Variants in SLC1A2 observed in about 807,000 individuals in gnomAD.
The protein encoded by SLC1A2 is excitatory amino acid transporter 2.
SLC1A2 carries 15 observed loss-of-function variants against 48.8 expected under a neutral mutation model. The observed-to-expected ratio is 0.31, with a 90% CI of 0.21 to 0.47. The LOEUF is 0.47. Ranked by LOEUF, SLC1A2 falls within the 20% of genes least tolerant of loss-of-function variation. SLC1A2 has a pLI of 0.99. For missense variants in SLC1A2, 502 were observed against 730.5 expected, an observed-to-expected ratio of 0.69 and a Z score of 3.61; for synonymous variants, 279 against 272.6, an observed-to-expected ratio of 1.02 and a Z score of -0.23.
At position 35,412,559 on chromosome 11, in the gene SLC1A2, G is replaced by A. The variant is rs556991250; in HGVS notation, c.17+6391C>T. 3.4e-4 allele frequency among the ~76,000 whole-genome samples: 52 copies of A among 152,204 alleles called. No individual in the cohort carries two copies. In the South Asian group the frequency reaches 9.3e-3, roughly 27 times the overall value. ...CCCACTCTTTAAAACACAGAAATAC[G>A]CCTCTGAAAGATTTCTTCCTCAATT... On this transcript the variant is annotated intron_variant, in intron 1 of 10. Coordinates refer to ENST00000278379, the MANE Select transcript of SLC1A2 (RefSeq NM_004171.4).
At chr11:35,408,425 G>A (rs58480679) in intron 1 of SLC1A2, among the ~76,000 whole-genome samples, 22,232 of 152,100 alleles carry the variant, frequency 0.15, 1,716 homozygotes, top group African/African-American at 0.19. Context: ...TGGTATTCTC[G>A]TGGTAGTGAA....
intron 1 of SLC1A2, among the ~76,000 whole-genome samples, chr11:35,327,258 T>G (rs550922071): frequency 3.2e-4 from 48 of 151,312 alleles, no homozygotes; most frequent in Non-Finnish European, 5.1e-4. Context: ...TGAGCTAAAG[T>G]TGAAAAATAG....
chr11:35,261,461 C>T (rs970761882), intron 10 of SLC1A2, among the ~76,000 whole-genome samples: 3 of 152,028 alleles, frequency 2.0e-5, no homozygotes, highest in Non-Finnish European at 4.4e-5. Flanking sequence ...TAAGCTATCC[C>T]AGCTTTAAAG....
At chr11:35,317,220 G>A (rs1184133882) in intron 2 of SLC1A2, 157 bp downstream of exon 2, 5 of 676,534 alleles carry the variant, frequency 7.4e-6, no homozygotes, top group Non-Finnish European at 1.2e-5. Flanking sequence ...AGGTAAGGAG[G>A]AAAATTATAT....
intron 1 of SLC1A2, among the ~76,000 whole-genome samples, chr11:35,384,552 CT>C (rs1854527812): frequency 6.6e-6 from 1 of 152,202 alleles, no homozygotes; most frequent in African/African-American, 2.4e-5. Context: ...CTTAATGAAT[CT>C]CAAACAGTTG....
rs16927206 is a variant in SLC1A2, at chr11:35,260,853, C to A, written c.*41G>T. On this transcript the variant is annotated 3_prime_UTR_variant, in exon 11 of 11. Coordinates refer to ENST00000278379, the MANE Select transcript of SLC1A2 (RefSeq NM_004171.4). ...TTATATCATCAGTTACCATAGGATA[C>A]GCTGGGGAGTTTATTCAAGAATTTG... The A allele has an allele frequency of 8.9e-6, 12 of 1,343,194 alleles. No homozygotes were observed. Among genetic ancestry groups the A allele is most frequent in the Non-Finnish European group, 1.3e-5 (12 of 932,924 alleles). The allele number at this position is 1,343,194 out of a possible 1,614,324, so 83.2% of individuals were successfully genotyped here. A position where few individuals can be genotyped will look rare whatever the true frequency, so the allele number is the denominator to read the frequency against.
chr11:35,372,170 G>A (rs1180733171), intron 1 of SLC1A2, among the ~76,000 whole-genome samples: 1 of 152,190 alleles, frequency 6.6e-6, no homozygotes, highest in Non-Finnish European at 1.5e-5. Flanking sequence ...AAGTATGCCT[G>A]GTAAAGAGAA....
intron 8 of SLC1A2, chr11:35,285,775 A>G (rs1850800089): frequency 6.6e-6 from 1 of 152,198 alleles, no homozygotes; most frequent in South Asian, 2.1e-4. Context: ...TTTCAAGGCA[A>G]ACAAAGCAAC....
At chr11:35,278,937 T>G (rs1389314689) in intron 9 of SLC1A2, among the ~76,000 whole-genome samples, 2 of 152,134 alleles carry the variant, frequency 1.3e-5, no homozygotes, top group Non-Finnish European at 2.9e-5. Flanking sequence ...GAGAAATGCT[T>G]GAACCCAGGA....
chr11:35,314,018 T>C (rs984045518), intron 3 of SLC1A2, among the ~76,000 whole-genome samples: 1 of 152,124 alleles, frequency 6.6e-6, no homozygotes, highest in Non-Finnish European at 1.5e-5. Flanking sequence ...TAACTCAGAG[T>C]TTAGTCTCCA....
chr11:35,297,321 C>A (rs553419132), intron 6 of SLC1A2, among the ~76,000 whole-genome samples: 53 of 152,160 alleles, frequency 3.5e-4, no homozygotes, highest in African/African-American at 1.2e-3. Flanking sequence ...TCCTTACCCC[C>A]GAGCATCCAC....
At chr11:35,384,601 T>A (rs1240138387) in intron 1 of SLC1A2, among the ~76,000 whole-genome samples, 1 of 152,238 alleles carries the variant, frequency 6.6e-6, no homozygotes, top group East Asian at 1.9e-4. Flanking sequence ...TATTGATTCA[T>A]CATTGAAGAT....
chr11:35,341,634 C>T (rs993406701), intron 1 of SLC1A2, among the ~76,000 whole-genome samples: 2 of 152,182 alleles, frequency 1.3e-5, no homozygotes, highest in African/African-American at 2.4e-5. Flanking sequence ...AAGTTGACAA[C>T]ATCTGTGATT....
At chr11:35,315,209 T>C (rs748455722) in intron 2 of SLC1A2, 34 bp from the exon 3 acceptor site, 3 of 1,596,756 alleles carry the variant, frequency 1.9e-6, no homozygotes, top group East Asian at 2.2e-5. Flanking sequence ...TGAATTTATT[T>C]TTTGCCTTCG....
At chr11:35,323,981 C>A (rs1394483449) in intron 1 of SLC1A2, among the ~76,000 whole-genome samples, 2 of 152,160 alleles carry the variant, frequency 1.3e-5, no homozygotes, top group African/African-American at 2.4e-5. Flanking sequence ...GGCATTGGGA[C>A]CAGCAAAGTG....
At chr11:35,324,311 T>A (rs1365508952) in intron 1 of SLC1A2, among the ~76,000 whole-genome samples, 1 of 152,248 alleles carries the variant, frequency 6.6e-6, no homozygotes. Flanking sequence ...GATGAGTAAC[T>A]GTCAGAAGAC....
chr11:35,414,810 G>A (rs1475562877), intron 1 of SLC1A2, among the ~76,000 whole-genome samples: 1 of 152,220 alleles, frequency 6.6e-6, no homozygotes, highest in Non-Finnish European at 1.5e-5. Flanking sequence ...AATACTATCA[G>A]TGTTTTAGTA....
chr11:35,325,265 A>G (rs1852202675), intron 1 of SLC1A2, among the ~76,000 whole-genome samples: 1 of 152,166 alleles, frequency 6.6e-6, no homozygotes, highest in Non-Finnish European at 1.5e-5. Flanking sequence ...TATTCCTTCC[A>G]AATAACTCAG....
intron 9 of SLC1A2, among the ~76,000 whole-genome samples, chr11:35,277,444 G>T (rs556037453): frequency 6.6e-6 from 1 of 152,206 alleles, no homozygotes; most frequent in East Asian, 1.9e-4. Context: ...GGAGACAGAT[G>T]TAAAGACATT....
Sources: gnomAD v4.1 joint callset for allele counts (sites outside exome capture counted in the v4.1 genomes callset) on GRCh38, gnomAD v4.1.1 for gene constraint, MANE v1.5 for transcripts, NCBI Gene and HGNC (gene_info 2026-07-23, HGNC 2026-07-21) for gene names.